Variants in ETV1 observed in about 807,000 individuals in gnomAD.
The protein encoded by ETV1 is ETS variant transcription factor 1.
In ETV1, 27 loss-of-function variants were observed where a neutral mutation model predicts 62.3. The ratio of observed to expected loss-of-function variants is 0.43; its 90% CI spans 0.32 to 0.60. The LOEUF (loss-of-function observed/expected upper bound fraction) is 0.60, where lower values mean the gene tolerates loss of function less well. Ranked by LOEUF, ETV1 falls within the 20% of genes least tolerant of loss-of-function variation. The pLI, the probability that ETV1 is intolerant of heterozygous loss-of-function variation, is 0.06. For missense variants in ETV1, 605 were observed against 605.8 expected, an observed-to-expected ratio of 1.00 and a Z score of 0.01; for synonymous variants, 222 against 199.6, an observed-to-expected ratio of 1.11 and a Z score of -0.94.
intron 9 of ETV1, among the ~76,000 whole-genome samples, chr7:13,918,360 C>T (rs947857830): frequency 8.5e-5 from 13 of 152,160 alleles, no homozygotes; most frequent in African/African-American, 3.1e-4. Context: ...AAAAGTGTTC[C>T]TATTTCTCCA....
chr7:13,925,608 C>A (rs548105054), intron 9 of ETV1, among the ~76,000 whole-genome samples: 66 of 151,496 alleles, frequency 4.4e-4, no homozygotes, highest in Admixed American at 8.5e-4. Flanking sequence ...CTCTGCTGCC[C>A]AGGCTGGAGT....
chr7:13,914,736 C>T lies in ETV1; in HGVS notation c.803-3429G>A, dbSNP rs1783963918. Reference sequence around the variant, plus strand: ...TTACCAAAGGTTTGACCACAAAGTGCAGTATTGAATTTGCACATTTAAAAT... The same window carrying T: ...TTACCAAAGGTTTGACCACAAAGTGTAGTATTGAATTTGCACATTTAAAAT... On this transcript the variant is annotated intron_variant, in intron 9 of 13. Transcript: ENST00000430479. Among the ~76,000 whole-genome samples the T allele has an allele frequency of 2.0e-5, 3 of 152,018 alleles. No individual in the cohort carries two copies. The South Asian group carries it at 6.2e-4, about 32-fold the overall frequency.
intron 12 of ETV1, among the ~76,000 whole-genome samples, chr7:13,903,269 A>G (rs982209110): frequency 3.9e-5 from 6 of 152,218 alleles, no homozygotes; most frequent in Admixed American, 3.9e-4. Context: ...TTATTGTCAA[A>G]TAAATTAAAT....
chr7:13,934,151 C>T (rs543369476), intron 8 of ETV1, among the ~76,000 whole-genome samples: 6 of 152,262 alleles, frequency 3.9e-5, no homozygotes, highest in Admixed American at 3.9e-4. Context: ...AGAATTCTTT[C>T]ATCTGTATTT....
intron 12 of ETV1, 193 bp downstream of exon 12, chr7:13,906,237 A>T: frequency 2.3e-6 from 1 of 433,726 alleles, no homozygotes; most frequent in Non-Finnish European, 4.0e-6. Flanking sequence ...ATTGTATACA[A>T]CCGGAAGGAA....
intron 5 of ETV1, among the ~76,000 whole-genome samples, chr7:13,985,906 C>T (rs892858383): frequency 1.3e-5 from 2 of 152,156 alleles, no homozygotes; most frequent in Non-Finnish European, 2.9e-5. Context: ...GATTGCACCA[C>T]AAAATTTTAA....
intron 6 of ETV1, among the ~76,000 whole-genome samples, chr7:13,975,407 G>A (rs1447506197): frequency 1.3e-5 from 2 of 151,978 alleles, no homozygotes; most frequent in Non-Finnish European, 2.9e-5. Context: ...TTAGCTGGGA[G>A]TGATGGCGGA....
intron 6 of ETV1, among the ~76,000 whole-genome samples, chr7:13,940,647 T>C (rs931467967): frequency 1.3e-5 from 2 of 152,150 alleles, no homozygotes; most frequent in Non-Finnish European, 2.9e-5. Context: ...AAACACAGTA[T>C]GTTAAGTCCG....
chr7:13,924,785 C>A (rs1006367647), intron 9 of ETV1, among the ~76,000 whole-genome samples: 1 of 152,166 alleles, frequency 6.6e-6, no homozygotes, highest in African/African-American at 2.4e-5. Context: ...GGATGAACCT[C>A]AGATATTTAT....
At chr7:13,935,643 G>A (rs1786716742) in intron 8 of ETV1, 65 bp downstream of exon 8, 3 of 1,402,228 alleles carry the variant, frequency 2.1e-6, no homozygotes, top group Non-Finnish European at 3.0e-6. Flanking sequence ...CTTCAGAATT[G>A]TTAATAGAAA....
chr7:13,967,542 T>A (rs910578866), intron 6 of ETV1, among the ~76,000 whole-genome samples: 3 of 152,108 alleles, frequency 2.0e-5, no homozygotes, highest in African/African-American at 7.2e-5. Context: ...TACTGTCAAA[T>A]GCAAATAGTG....
chr7:13,942,180 C>T lies in ETV1; in HGVS notation c.236-2934G>A, dbSNP rs182720863. Among the ~76,000 whole-genome samples the T allele has an allele frequency of 2.7e-3, 407 of 151,886 alleles. 5 individuals carry two copies. In the East Asian group the frequency reaches 0.031, roughly 11 times the overall value. On this transcript the variant is annotated intron_variant, in intron 6 of 13. Coordinates refer to ENST00000430479, the MANE Select transcript of ETV1 (RefSeq NM_004956.5). Reference sequence around the variant, plus strand: ...CTGGGACTACAGGCGCCCGCCACCACGCCCGGCTAACTTTTTGGATTTTTA... The same window carrying T: ...CTGGGACTACAGGCGCCCGCCACCATGCCCGGCTAACTTTTTGGATTTTTA...
At chr7:13,988,056 A>T (rs1229376544) in intron 4 of ETV1, 30 bp downstream of exon 4, 1 of 1,340,666 alleles carries the variant, frequency 7.5e-7, no homozygotes, top group Non-Finnish European at 1.1e-6. Context: ...AGGTAAAAAA[A>T]TGGGGATTCA....
intron 6 of ETV1, among the ~76,000 whole-genome samples, chr7:13,967,562 T>TA (rs1335365219): frequency 2.0e-5 from 3 of 152,046 alleles, no homozygotes; most frequent in South Asian, 2.1e-4. Context: ...GCTTTAGATT[T>TA]AAAAAAACAA....
chr7:13,906,136 G>T (rs1169570921), intron 12 of ETV1: 3 of 238,712 alleles, frequency 1.3e-5, no homozygotes, highest in Non-Finnish European at 2.4e-5. Flanking sequence ...CTCTAATTCA[G>T]ATGCTCCTTT....
chr7:13,911,073 C>T (rs1021533623), intron 10 of ETV1, among the ~76,000 whole-genome samples, 166 bp downstream of exon 10: 8 of 152,168 alleles, frequency 5.3e-5, no homozygotes, highest in Non-Finnish European at 1.0e-4. Context: ...GATACCACTA[C>T]TTGAAACATC....
chr7:13,924,445 C>A (rs1209557197), intron 9 of ETV1, among the ~76,000 whole-genome samples: 1 of 152,180 alleles, frequency 6.6e-6, no homozygotes, highest in Non-Finnish European at 1.5e-5. Context: ...AAGCAGAATG[C>A]ATCTTCATAA....
intron 10 of ETV1, among the ~76,000 whole-genome samples, chr7:13,910,793 T>A (rs891678686): frequency 2.6e-5 from 4 of 152,182 alleles, no homozygotes; most frequent in Non-Finnish European, 5.9e-5. Flanking sequence ...CTATGTGAAA[T>A]CTCATTCATA....
chr7:13,908,012 T>A (rs1050193390), intron 11 of ETV1, among the ~76,000 whole-genome samples: 1 of 152,170 alleles, frequency 6.6e-6, no homozygotes, highest in Non-Finnish European at 1.5e-5. Context: ...ATGTTTTTTT[T>A]ATGGGAGTAA....
Sources: allele counts gnomAD v4.1 joint callset (sites outside exome capture counted in the v4.1 genomes callset), GRCh38; gene constraint gnomAD v4.1.1; transcripts MANE v1.5; gene names NCBI Gene and HGNC (gene_info 2026-07-23, HGNC 2026-07-21).